AP3B2: variants seen among roughly 807,000 people sequenced by gnomAD.
AP3B2 encodes the protein AP-3 complex subunit beta-2.
AP3B2 carries 50 observed loss-of-function variants against 126.9 expected under a neutral mutation model. The ratio of observed to expected loss-of-function variants is 0.39; its 90% CI spans 0.31 to 0.50. AP3B2 has a LOEUF of 0.50. Ranked by LOEUF, AP3B2 falls within the 20% of genes least tolerant of loss-of-function variation. AP3B2 has a pLI of 0.79. For synonymous variants in AP3B2, 541 were observed against 565.0 expected (o/e 0.96, Z 0.60); for missense variants, 1,177 against 1,426.4 (o/e 0.83, Z 2.82).
At chr15:82,696,606 C>T (rs1018324115) in intron 1 of AP3B2, among the ~76,000 whole-genome samples, 1 of 152,120 alleles carries the variant, frequency 6.6e-6, no homozygotes, top group Admixed American at 6.6e-5. Flanking sequence ...AACTGATATA[C>T]ATGTATAAGG....
In AP3B2 at chr15:82,659,895, A is replaced by T; in HGVS notation, c.3105T>A (p.Thr1035=). Residue 1035 remains threonine, a synonymous_variant, in exon 26 of 27, where the codon ACT becomes ACA. Coordinates refer to ENST00000535359, the MANE Select transcript of AP3B2 (RefSeq NM_001278512.2). The part of the protein sequence containing the change: ...RSDHIVVQKV[T]ATANLGRVPC... The stretch of plus-strand genomic sequence containing the variant: ...GAACACGACCCAGGTTGGCAGTGGC[A>T]GTCACTTTCTGCACCACAATGTGGT... 6.2e-7 allele frequency: 1 copy of T among 1,613,982 alleles called. No individual in the cohort carries two copies. The highest frequency in any genetic ancestry group is 8.5e-7 in the Non-Finnish European group (1 of 1,179,882).
Position 82,680,194 on chromosome 15 carries a change from G to A in AP3B2, c.1091C>T (p.Thr364Ile). The A allele has an allele frequency of 6.2e-7, 1 of 1,613,558 alleles. No homozygotes were observed. The highest frequency in any genetic ancestry group is 1.7e-5 in the Admixed American group (1 of 60,020). Reference protein sequence around the residue: ...VQYVVLQNVATMSIKRRGMFE... With the variant: ...VQYVVLQNVAIMSIKRRGMFE... ...GCTCACCCGGCGCTTGATGGACATG[G>A]TGGCCACGTTCTGGAGCACAACGTA... The change falls in exon 9 of 27, where the codon ACC (threonine) becomes ATC (isoleucine). Residue 364 changes from threonine (T) to isoleucine (I), a missense_variant. Around this residue, in one of 5 missense-constraint regions of AP3B2, gnomAD observed 308 missense variants for 452.4 expected, o/e 0.68. Transcript: ENST00000535359. The surrounding 1 kb of genome is among the most constrained non-coding windows in gnomAD (Gnocchi z 6.1).
Position 82,680,439 on chromosome 15 carries a change from G to C in AP3B2, c.1055+33C>G. ...CAGCCCGTGGGGCGGGGCAGGAGGCGAGGGAGGGGGCGGGGCTGGGGGCGG... is the reference window on the plus strand; with the variant it reads ...CAGCCCGTGGGGCGGGGCAGGAGGCCAGGGAGGGGGCGGGGCTGGGGGCGG... On this transcript the variant is annotated intron_variant, in intron 8 of 26. Transcript: ENST00000535359. This position sits in a 1 kb window ranked among gnomAD's most constrained non-coding sequence, Gnocchi z 6.1. 4 of 1,452,304 alleles carry C rather than the reference G, an allele frequency of 2.8e-6. No individual in the cohort carries two copies. The highest frequency in any genetic ancestry group is 2.7e-6 in the Non-Finnish European group (3 of 1,105,288). The allele number at this position is 1,452,304 out of a possible 1,614,324, so 90.0% of individuals were successfully genotyped here.
rs2048855773 is a variant in AP3B2 at position 82,709,816 on chromosome 15, G to C, written c.-110C>G. On this transcript the variant is annotated 5_prime_UTR_variant, in exon 1 of 27. Transcript: ENST00000535359. ...GGTCCGGGCTGGCGAAGGCGGCGGC[G>C]CGGCAGGGGTTCAGCAGAGGCTGCA... 2 of 824,324 alleles carry C rather than the reference G, an allele frequency of 2.4e-6. No homozygotes were observed. The highest frequency in any genetic ancestry group is 4.4e-5 in the South Asian group (2 of 45,886). 51.1% of individuals were successfully genotyped at this position (824,324 alleles called of 1,614,324 possible).
chr15:82,681,333 A>G lies in AP3B2; in HGVS notation c.521+87T>C, dbSNP rs2048337238. The stretch of plus-strand genomic sequence containing the variant: ...ACCCTCCTCAAACCCTCTGAGAAGC[A>G]GCAGGCAAGACTTAGGAAAGGCCAG... On this transcript the variant is annotated intron_variant, in intron 5 of 26. Transcript: ENST00000535359. The surrounding 1 kb of genome is among the most constrained non-coding windows in gnomAD (Gnocchi z 4.0). 1 of 1,569,084 alleles carries G rather than the reference A, an allele frequency of 6.4e-7. No homozygotes were observed. The highest frequency in any genetic ancestry group is 1.8e-5 in the Admixed American group (1 of 56,800).
chr15:82,678,016 T>C, intron 11 of AP3B2, 89 bp downstream of exon 11: 1 of 1,483,100 alleles, frequency 6.7e-7, no homozygotes, highest in South Asian at 1.2e-5. Context: ...TCTCCAGCCT[T>C]GGGCTCATAA....
rs2048475036 is a variant in AP3B2, at chr15:82,688,789, C to T, written c.307G>A (p.Glu103Lys). ...GACAGCAGGGCCAGGTCTTGCTGCT[C>T]CTCAGCGTAGCGTACCAGGTACACA... is the stretch of plus-strand genomic sequence containing the variant. ...VYVYLVRYAE[E>K]QQDLALLSIS... is the part of the protein sequence containing the mutation. Residue 103 changes from glutamate (E) to lysine (K), a missense_variant, in exon 4 of 27, where the codon GAG becomes AAG. By Grantham distance (56) the Glu-to-Lys change is moderately conservative. This residue lies in a region of AP3B2 where 130 missense variants were observed against 262.0 expected (regional missense o/e 0.50). Transcript: ENST00000535359. 6.2e-7 allele frequency: 1 copy of T among 1,612,984 alleles called. No individual in the cohort carries two copies. Among genetic ancestry groups the T allele is most frequent in the African/African-American group, 1.3e-5 (1 of 74,904 alleles).
chr15:82,699,843 C>T (rs1286160437), intron 1 of AP3B2: 1 of 399,734 alleles, frequency 2.5e-6, no homozygotes, highest in African/African-American at 2.1e-5. Context: ...CAGGCCTCAC[C>T]ACGGCCCCCG....
chr15:82,662,089 C>G (rs745880781), intron 24 of AP3B2, 79 bp downstream of exon 24: 2 of 1,421,620 alleles, frequency 1.4e-6, no homozygotes, highest in Non-Finnish European at 1.9e-6. Flanking sequence ...CCACTAAGCA[C>G]CACCTCCATT....
chr15:82,683,722 A>G (rs919289721), intron 4 of AP3B2, among the ~76,000 whole-genome samples: 3 of 152,194 alleles, frequency 2.0e-5, no homozygotes, highest in African/African-American at 7.2e-5. Flanking sequence ...GATCCATGAG[A>G]GGAATCACTA....
intron 1 of AP3B2, among the ~76,000 whole-genome samples, chr15:82,695,684 T>G (rs1200508716): frequency 6.6e-6 from 1 of 152,150 alleles, no homozygotes; most frequent in Non-Finnish European, 1.5e-5. Context: ...TGGGTAAATA[T>G]AACTAAAGTT....
At chr15:82,667,002 C>A in intron 14 of AP3B2, 69 bp from the exon 15 acceptor site, 1 of 1,491,156 alleles carries the variant, frequency 6.7e-7, no homozygotes, top group Non-Finnish European at 9.2e-7. Context: ...GAAACAGATT[C>A]TTTAAGCCGA....
In AP3B2 at chr15:82,684,499, G is replaced by A. The variant is rs140260887; in HGVS notation, c.361-2919C>T. ...GGCTTTGGCTTAAGGGAATGTGGTA[G>A]CTGGTTTGATCGTCTATCCAGACCA... On this transcript the variant is annotated intron_variant, in intron 4 of 26. Coordinates refer to ENST00000535359, the MANE Select transcript of AP3B2 (RefSeq NM_001278512.2). Among the ~76,000 whole-genome samples, 5 of 152,290 alleles carry A rather than the reference G, an allele frequency of 3.3e-5. No homozygotes were observed. The East Asian group carries it at 7.7e-4, about 24-fold the overall frequency.
chr15:82,692,237 G>T (rs752797857), intron 1 of AP3B2: 12 of 1,029,328 alleles, frequency 1.2e-5, no homozygotes, highest in East Asian at 5.1e-5. Flanking sequence ...GCACAAGGCA[G>T]TGCCCATTCT....
In AP3B2 at chr15:82,664,416, C is replaced by T. The variant is rs34200105; in HGVS notation, c.2212G>A (p.Asp738Asn). 135 of 1,613,926 alleles carry T rather than the reference C, an allele frequency of 8.4e-5. 1 individual carries two copies. The highest frequency in any genetic ancestry group is 4.7e-4 in the African/African-American group (35 of 75,016). The change falls in exon 19 of 27, where the codon GAC becomes AAC. Residue 738 changes from aspartate (D) to asparagine (N), a missense_variant. Physicochemically the swap from Asp to Asn is conservative, Grantham distance 23. Around this residue, in one of 5 missense-constraint regions of AP3B2, gnomAD observed 587 missense variants for 571.3 expected, o/e 1.03. Coordinates refer to ENST00000535359, the MANE Select transcript of AP3B2 (RefSeq NM_001278512.2). The surrounding 1 kb of genome is among the most constrained non-coding windows in gnomAD (Gnocchi z 4.5). ...TCATCCTCATCCTGGTCTTCATTGT[C>T]GGACTCACTGCTGGACTCCCCAGAG... ...SGSGESSSES[D>N]NEDQDEDEEK...
At chr15:82,693,408 G>C (rs7184045) in intron 1 of AP3B2, among the ~76,000 whole-genome samples, 50,353 of 150,698 alleles carry the variant, frequency 0.33, 8,382 homozygotes, top group African/African-American at 0.36. Context: ...CACCACGCTC[G>C]GGTAATTTTT....
At chr15:82,706,374 T>C (rs1238601494) in intron 1 of AP3B2, among the ~76,000 whole-genome samples, 2 of 152,184 alleles carry the variant, frequency 1.3e-5, no homozygotes, top group Non-Finnish European at 2.9e-5. Flanking sequence ...CATGCTGTTA[T>C]ATGGGCAAAA....
At chr15:82,673,880 A>G (rs1283935835) in intron 14 of AP3B2, among the ~76,000 whole-genome samples, 1 of 152,186 alleles carries the variant, frequency 6.6e-6, no homozygotes, top group Non-Finnish European at 1.5e-5. Context: ...TGTAGATCCC[A>G]CTGTGCCCCT....
intron 20 of AP3B2, 36 bp from the exon 21 acceptor site, chr15:82,663,656 G>A: frequency 6.2e-7 from 1 of 1,613,482 alleles, no homozygotes; most frequent in Non-Finnish European, 8.5e-7. Flanking sequence ...TGTGGGGAAG[G>A]GGAGCACCTT....
Sources: gnomAD v4.1 joint callset for allele counts (sites outside exome capture counted in the v4.1 genomes callset) on GRCh38, gnomAD v4.1.1 for gene constraint, gnomAD v4.1.1 regional missense constraint, Gnocchi (gnomAD v3.1) non-coding constraint, MANE v1.5 for transcripts, NCBI Gene and HGNC (gene_info 2026-07-23, HGNC 2026-07-21) for gene names.